Variants in CDIN1 observed in about 807,000 individuals in gnomAD.
The protein encoded by CDIN1 is CDAN1-interacting nuclease 1.
Under a neutral mutation model 45.3 loss-of-function variants are expected in CDIN1, and 33 were observed. The observed-to-expected ratio is 0.73, with a 90% confidence interval of 0.55 to 0.97. The LOEUF (loss-of-function observed/expected upper bound fraction) is 0.97. Among genes scored for constraint, CDIN1 ranks in the 50% least tolerant of loss-of-function variants. The pLI, the probability that CDIN1 is intolerant of heterozygous loss-of-function variation, is 0.00. For missense variants in CDIN1, 303 were observed against 339.4 expected (o/e 0.89, Z 0.84); for synonymous variants, 118 against 124.4 (o/e 0.95, Z 0.34).
chr15:36,670,028 C>G (rs1364491583), intron 5 of CDIN1, among the ~76,000 whole-genome samples: 2 of 152,084 alleles, frequency 1.3e-5, no homozygotes, highest in Non-Finnish European at 2.9e-5. Context: ...ACTCTGCCTT[C>G]TGGAGAGAGG....
chr15:36,652,187 T>G (rs1336560212), intron 3 of CDIN1, among the ~76,000 whole-genome samples: 1 of 152,242 alleles, frequency 6.6e-6, no homozygotes, highest in African/African-American at 2.4e-5. Flanking sequence ...ACTGTATATT[T>G]ATCTCCCTGC....
chr15:36,609,501 C>T (rs952897958), intron 1 of CDIN1, among the ~76,000 whole-genome samples: 16 of 152,014 alleles, frequency 1.1e-4, no homozygotes, highest in Non-Finnish European at 2.1e-4. Context: ...GTGGCTCACA[C>T]CTGTAATCCC....
chr15:36,585,960 A>G (rs7359275), intron 1 of CDIN1, among the ~76,000 whole-genome samples: 55,398 of 151,862 alleles, frequency 0.36, 10,262 homozygotes, highest in Middle Eastern at 0.47. Flanking sequence ...ACCTGACCAA[A>G]CTACAATTAC....
At position 36,756,263 on chromosome 15, in the gene CDIN1, G is replaced by GGTTTTT. The variant is rs1307118395; in HGVS notation, c.716+46320_716+46325dup. Among the ~76,000 whole-genome samples, 11 of 152,096 alleles carry GGTTTTT rather than the reference G, an allele frequency of 7.2e-5. No homozygotes were observed. In the South Asian group the frequency reaches 2.3e-3, roughly 32 times the overall value. On this transcript the variant is annotated intron_variant, in intron 10 of 10. Transcript: ENST00000566621. ...TTGCTGACTGGCACATTTGGCAGTA[G>GGTTTTT]GTTTTTGTTTTTGTTTTTGTTTTCA...
chr15:36,774,673 C>T (rs542595889), intron 10 of CDIN1, among the ~76,000 whole-genome samples: 1 of 152,256 alleles, frequency 6.6e-6, no homozygotes, highest in East Asian at 1.9e-4. Context: ...AGATTTGACT[C>T]TTACAAGTCA....
In CDIN1 at chr15:36,670,484, T is replaced by G. The variant is rs545043342; in HGVS notation, c.346+12579T>G. Among the ~76,000 whole-genome samples the G allele has an allele frequency of 2.6e-4, 39 of 152,242 alleles. 1 individual carries two copies. The South Asian group carries it at 5.6e-3, about 22-fold the overall frequency. On this transcript the variant is annotated intron_variant, in intron 5 of 10. Transcript: ENST00000566621. ...AGACACCTTTGTATTTCGGGTTGATTTTGTTTTTGCATATCAAGTAGTTTT... is the reference window on the plus strand; with the variant it reads ...AGACACCTTTGTATTTCGGGTTGATGTTGTTTTTGCATATCAAGTAGTTTT...
rs72706721 is a variant in CDIN1, at chr15:36,639,756, A to G, written c.102-4522A>G. Among the ~76,000 whole-genome samples, 422 of 152,288 alleles carry G rather than the reference A, an allele frequency of 2.8e-3. 1 individual carries two copies. The highest frequency in any genetic ancestry group is 5.0e-3 in the Non-Finnish European group (342 of 67,996). On this transcript the variant is annotated intron_variant, in intron 1 of 10. Transcript: ENST00000566621. The stretch of plus-strand genomic sequence containing the variant: ...GCCATTTTATGTAAGTGACTTGAAC[A>G]TCCACAGATTTTGATTTCCATGAGG...
At chr15:36,782,555 C>CAAGAGA (rs1223407473) in intron 10 of CDIN1, among the ~76,000 whole-genome samples, 1 of 152,084 alleles carries the variant, frequency 6.6e-6, no homozygotes, top group Admixed American at 6.5e-5. Flanking sequence ...TTTTAAACCA[C>CAAGAGA]AAGAGAAAGA....
At chr15:36,773,786 G>A (rs535173844) in intron 10 of CDIN1, among the ~76,000 whole-genome samples, 4 of 152,348 alleles carry the variant, frequency 2.6e-5, no homozygotes, top group African/African-American at 9.6e-5. Context: ...TGAATTTTCT[G>A]AAAAGACCTT....
intron 4 of CDIN1, among the ~76,000 whole-genome samples, chr15:36,656,705 A>G (rs2040797106): frequency 6.6e-6 from 1 of 152,180 alleles, no homozygotes. Flanking sequence ...TTCATGTGTC[A>G]GCTCTGATGT....
At chr15:36,776,020 A>G (rs1385590016) in intron 10 of CDIN1, among the ~76,000 whole-genome samples, 1 of 152,194 alleles carries the variant, frequency 6.6e-6, no homozygotes. Context: ...ATTTCTTTTT[A>G]TTCTCCCAAG....
chr15:36,693,478 A>G (rs1222544189), intron 7 of CDIN1, among the ~76,000 whole-genome samples: 3 of 152,236 alleles, frequency 2.0e-5, no homozygotes, highest in Non-Finnish European at 4.4e-5. Flanking sequence ...GCACATTCAT[A>G]TATCAACTAA....
intron 5 of CDIN1, 65 bp downstream of exon 5, chr15:36,657,970 A>G: frequency 7.4e-7 from 1 of 1,356,584 alleles, no homozygotes; most frequent in Admixed American, 2.0e-5. Flanking sequence ...AATAATTTAC[A>G]CAGCATTTCA....
At chr15:36,713,171 G>C (rs555941222) in intron 10 of CDIN1, among the ~76,000 whole-genome samples, 5 of 152,250 alleles carry the variant, frequency 3.3e-5, no homozygotes, top group East Asian at 1.9e-4. Flanking sequence ...TTGGTGGTTT[G>C]AGATAAAGTG....
chr15:36,759,795 C>T (rs1459777056), intron 10 of CDIN1, among the ~76,000 whole-genome samples: 1 of 152,132 alleles, frequency 6.6e-6, no homozygotes, highest in African/African-American at 2.4e-5. Flanking sequence ...GCAAGCACAT[C>T]TTCACATGGC....
intron 10 of CDIN1, among the ~76,000 whole-genome samples, chr15:36,793,786 G>A (rs927969758): frequency 2.6e-5 from 4 of 152,034 alleles, no homozygotes; most frequent in South Asian, 2.1e-4. Context: ...AGAAATTGCC[G>A]CTGGCCACTG....
intron 5 of CDIN1, among the ~76,000 whole-genome samples, chr15:36,690,528 A>G (rs2042210897): frequency 1.3e-5 from 2 of 152,102 alleles, no homozygotes; most frequent in Non-Finnish European, 1.5e-5. Context: ...TCGGCCTCCC[A>G]AAGTGCTGGG....
At chr15:36,688,892 T>G (rs2042148319) in intron 5 of CDIN1, among the ~76,000 whole-genome samples, 1 of 152,158 alleles carries the variant, frequency 6.6e-6, no homozygotes, top group Non-Finnish European at 1.5e-5. Context: ...AAGAGCTGTG[T>G]GTGTTTGGCA....
intron 5 of CDIN1, among the ~76,000 whole-genome samples, chr15:36,672,447 C>G (rs923438658): frequency 4.6e-5 from 7 of 151,992 alleles, no homozygotes; most frequent in Admixed American, 1.3e-4. Context: ...AAATCCCTGT[C>G]CTCCAGGAGC....
Sources: allele counts gnomAD v4.1 joint callset (sites outside exome capture counted in the v4.1 genomes callset), GRCh38; gene constraint gnomAD v4.1.1; transcripts MANE v1.5; gene names NCBI Gene and HGNC (gene_info 2026-07-23, HGNC 2026-07-21).